Variants in SUCLG2 observed in about 807,000 individuals in gnomAD.
SUCLG2 encodes the protein succinate-CoA ligase GDP-forming subunit beta, also known as succinate--CoA ligase [GDP-forming] subunit beta, mitochondrial.
A neutral mutation model predicts 47.9 loss-of-function variants in SUCLG2; 42 were observed. The observed-to-expected ratio is 0.88, with a 90% confidence interval of 0.69 to 1.14. The LOEUF is 1.14. Among genes scored for constraint, SUCLG2 ranks in the 50% most tolerant of loss-of-function variants. The probability of loss-of-function intolerance (pLI) is 0.00; values close to 1 mark genes in which losing one functional copy is unlikely to be tolerated. For synonymous variants in SUCLG2, 195 were observed against 197.3 expected, an observed-to-expected ratio of 0.99 and a Z score of 0.10; for missense variants, 571 against 525.9, an observed-to-expected ratio of 1.09 and a Z score of -0.84.
intron 9 of SUCLG2, among the ~76,000 whole-genome samples, chr3:67,448,874 G>A (rs1445059381): frequency 1.3e-5 from 2 of 151,718 alleles, no homozygotes; most frequent in South Asian, 2.1e-4. Flanking sequence ...TATTCTGACT[G>A]CTTATCATTA....
intron 2 of SUCLG2, among the ~76,000 whole-genome samples, chr3:67,556,326 G>A (rs1430471006): frequency 4.6e-5 from 7 of 152,122 alleles, no homozygotes; most frequent in African/African-American, 1.7e-4. Context: ...GAATGCTGAT[G>A]GTGTAGGAGA....
intron 2 of SUCLG2, among the ~76,000 whole-genome samples, chr3:67,566,349 T>TG (rs568805865): frequency 1.0e-3 from 156 of 152,236 alleles, no homozygotes; most frequent in Non-Finnish European, 1.9e-3. Flanking sequence ...GAATTACATT[T>TG]GGGGGGGATA....
At chr3:67,474,502 C>T (rs958316602) in intron 9 of SUCLG2, among the ~76,000 whole-genome samples, 2 of 152,066 alleles carry the variant, frequency 1.3e-5, no homozygotes, top group African/African-American at 4.8e-5. Context: ...AATGACTTGG[C>T]CCCCTTTCAG....
At chr3:67,584,986 C>T (rs1707979480) in intron 2 of SUCLG2, among the ~76,000 whole-genome samples, 1 of 152,120 alleles carries the variant, frequency 6.6e-6, no homozygotes, top group African/African-American at 2.4e-5. Flanking sequence ...GGTAGGGACA[C>T]AGCCAAACCA....
intron 6 of SUCLG2, chr3:67,514,412 T>G: frequency 3.5e-6 from 1 of 283,934 alleles, no homozygotes; most frequent in Non-Finnish European, 7.2e-6. Context: ...ATTTTAAATA[T>G]TTTTCTTGCA....
intron 9 of SUCLG2, among the ~76,000 whole-genome samples, chr3:67,456,350 A>G (rs992969054): frequency 1.3e-5 from 2 of 152,270 alleles, no homozygotes; most frequent in Admixed American, 1.3e-4. Flanking sequence ...GCAAAGCGAA[A>G]GGAAAAAATA....
At chr3:67,437,373 A>G (rs1041317695) in intron 9 of SUCLG2, among the ~76,000 whole-genome samples, 13 of 152,220 alleles carry the variant, frequency 8.5e-5, no homozygotes, top group Non-Finnish European at 4.4e-5. Context: ...TCTGGCATCA[A>G]AAATGCTGGT....
chr3:67,418,103 C>T (rs9883219), intron 9 of SUCLG2, among the ~76,000 whole-genome samples: 9,987 of 152,232 alleles, frequency 0.066, 358 homozygotes, highest in East Asian at 0.11. Context: ...GGCTCTATCA[C>T]TTATTAGCTG....
At chr3:67,405,964 C>G (rs1230864646) in intron 9 of SUCLG2, among the ~76,000 whole-genome samples, 1 of 152,120 alleles carries the variant, frequency 6.6e-6, no homozygotes. Flanking sequence ...GGGGTTACAG[C>G]TTTATCTACT....
At chr3:67,610,793 A>G (rs186780604) in intron 1 of SUCLG2, among the ~76,000 whole-genome samples, 15 of 152,268 alleles carry the variant, frequency 9.9e-5, no homozygotes, top group African/African-American at 2.9e-4. Flanking sequence ...TGGAGCCATT[A>G]CCTTTTGGGA....
chr3:67,634,651 A>G (rs1700978583), intron 1 of SUCLG2, among the ~76,000 whole-genome samples: 1 of 152,252 alleles, frequency 6.6e-6, no homozygotes, highest in African/African-American at 2.4e-5. Flanking sequence ...CTCAGTCACT[A>G]TTTATCTCTT....
intron 2 of SUCLG2, among the ~76,000 whole-genome samples, chr3:67,566,802 T>C (rs1707463309): frequency 6.6e-6 from 1 of 152,216 alleles, no homozygotes; most frequent in South Asian, 2.1e-4. Flanking sequence ...ACCTAGGACA[T>C]TAAAGATTAA....
chr3:67,410,365 T>G (rs6781990), intron 9 of SUCLG2, among the ~76,000 whole-genome samples: 2,979 of 152,260 alleles, frequency 0.02, 101 homozygotes, highest in African/African-American at 0.068. Flanking sequence ...AAGTCAGGTA[T>G]TAACAGGATT....
intron 2 of SUCLG2, among the ~76,000 whole-genome samples, chr3:67,606,981 C>A (rs1700430250): frequency 6.6e-6 from 1 of 152,198 alleles, no homozygotes; most frequent in Admixed American, 6.5e-5. Flanking sequence ...ACAACAATTA[C>A]TAGCTAAAGT....
chr3:67,520,720 A>G, intron 4 of SUCLG2, 86 bp from the exon 5 acceptor site: 1 of 1,468,212 alleles, frequency 6.8e-7, no homozygotes, highest in Non-Finnish European at 9.2e-7. Context: ...ACACGAATCA[A>G]ATGGCTTCAT....
At chr3:67,461,928 T>A (rs1025921117) in intron 9 of SUCLG2, among the ~76,000 whole-genome samples, 2 of 151,944 alleles carry the variant, frequency 1.3e-5, no homozygotes, top group Admixed American at 6.6e-5. Context: ...ATGGTAGAGA[T>A]CATGCCAGCA....
intron 10 of SUCLG2, among the ~76,000 whole-genome samples, chr3:67,398,671 G>A (rs572573739): frequency 6.6e-6 from 1 of 152,102 alleles, no homozygotes; most frequent in East Asian, 1.9e-4. Context: ...CCATTACTGG[G>A]TATATACCCA....
chr3:67,653,467 C>G (rs966494036), intron 1 of SUCLG2, among the ~76,000 whole-genome samples: 3 of 152,136 alleles, frequency 2.0e-5, no homozygotes, highest in Admixed American at 2.0e-4. Flanking sequence ...AAATAGCTCA[C>G]AGATGTCATA....
chr3:67,394,546 T>C (rs529238514), intron 10 of SUCLG2, among the ~76,000 whole-genome samples: 3 of 151,700 alleles, frequency 2.0e-5, no homozygotes, highest in East Asian at 1.9e-4. Context: ...CTACGTCTCA[T>C]TGGTGTACCT....
Sources: allele counts gnomAD v4.1 joint callset (sites outside exome capture counted in the v4.1 genomes callset), GRCh38; gene constraint gnomAD v4.1.1; transcripts MANE v1.5; gene names NCBI Gene and HGNC (gene_info 2026-07-23, HGNC 2026-07-21).